TET3: variants seen among roughly 807,000 people sequenced by gnomAD.
The protein encoded by TET3 is methylcytosine dioxygenase TET3.
A neutral mutation model predicts 141.4 loss-of-function variants in TET3; 19 were observed. That is an observed-to-expected ratio of 0.13 (90% CI 0.09 to 0.20). The LOEUF is 0.20. Ranked by LOEUF, TET3 falls within the 10% of genes least tolerant of loss-of-function variation. The probability of loss-of-function intolerance (pLI) is 1.00; values close to 1 mark genes in which losing one functional copy is unlikely to be tolerated. For missense variants in TET3, 1,874 were observed against 2,356.9 expected, an observed-to-expected ratio of 0.80 and a Z score of 4.24; for synonymous variants, 1,043 against 980.9, an observed-to-expected ratio of 1.06 and a Z score of -1.18.
intron 3 of TET3, among the ~76,000 whole-genome samples, chr2:74,011,833 T>C (rs1367020280): frequency 6.7e-6 from 1 of 149,628 alleles, no homozygotes; most frequent in East Asian, 2.0e-4. Flanking sequence ...AGGTCAGGAG[T>C]TTGAGATCAG....
chr2:74,080,594 G>A lies in TET3; in HGVS notation c.2679+3G>A, dbSNP rs745756687. 1.2e-6 allele frequency: 2 copies of A among 1,608,518 alleles called. No homozygotes were observed. Among genetic ancestry groups the A allele is most frequent in the Admixed American group, 3.4e-5 (2 of 59,416 alleles). On this transcript the variant is annotated splice_donor_region_variant and intron_variant, in intron 6 of 11. Coordinates refer to ENST00000409262, the MANE Select transcript of TET3 (RefSeq NM_001287491.2). ...GCGGTTGCCCCATTGCAAAGTGGGT[G>A]AGTGTTGAGCCCACTCAAGAGCCAC...
rs906048370 is a variant in TET3, at chr2:74,100,628, T to C, written c.3840T>C (p.Ala1280=). The change falls in exon 12 of 12, where the codon GCT becomes GCC. Residue 1280 remains alanine, a synonymous_variant. Transcript: ENST00000409262. The stretch of plus-strand genomic sequence containing the variant: ...TCAATGGCTTCCACTCCAAGTACGC[T>C]CTCCCGTCTTTTAGCTACTATGGCT... ...TSVNGFHSKY[A]LPSFSYYGFP... is the part of the protein sequence containing the mutation. 1.2e-6 allele frequency: 2 copies of C among 1,613,858 alleles called. No individual in the cohort carries two copies. Among genetic ancestry groups the C allele is most frequent in the Non-Finnish European group, 1.7e-6 (2 of 1,179,878 alleles).
chr2:73,989,793 T>C (rs1684235224), intron 2 of TET3, among the ~76,000 whole-genome samples: 1 of 152,116 alleles, frequency 6.6e-6, no homozygotes, highest in Admixed American at 6.5e-5. Flanking sequence ...TGAAGATGAC[T>C]GAGTAGAAAA....
At position 74,093,111 on chromosome 2, in the gene TET3, G is replaced by A; in HGVS notation, c.3129+120G>A. Reference sequence around the variant, plus strand: ...TCTCTTATGGGAAGAGCCTAGTCCAGAAGTAAAGCGATATGATGTGGTTCT... The same window carrying A: ...TCTCTTATGGGAAGAGCCTAGTCCAAAAGTAAAGCGATATGATGTGGTTCT... On this transcript the variant is annotated intron_variant, in intron 9 of 11. Transcript: ENST00000409262. This position sits in a 1 kb window ranked among gnomAD's most constrained non-coding sequence, Gnocchi z 4.2. 1 of 904,566 alleles carries A rather than the reference G, an allele frequency of 1.1e-6. No individual in the cohort carries two copies. Among genetic ancestry groups the A allele is most frequent in the Admixed American group, 2.6e-5 (1 of 38,002 alleles). The allele number at this position is 904,566 out of a possible 1,614,324, so 56.0% of individuals were successfully genotyped here. A position where few individuals can be genotyped will look rare whatever the true frequency, so the allele number is the denominator to read the frequency against.
At chr2:74,000,395 G>A (rs1485694658) in intron 2 of TET3, among the ~76,000 whole-genome samples, 2 of 152,208 alleles carry the variant, frequency 1.3e-5, no homozygotes, top group Non-Finnish European at 2.9e-5. Flanking sequence ...ATTGTGACTG[G>A]TGCTGTGGAA....
rs1351897708 is a variant in TET3 at position 74,106,904 on chromosome 2, C to T, written c.*4728C>T. On this transcript the variant is annotated 3_prime_UTR_variant, in exon 12 of 12. Coordinates refer to ENST00000409262, the MANE Select transcript of TET3 (RefSeq NM_001287491.2). ...CTTCAGCAGTTAAGATAGCGGAACG[C>T]CGAAAGGAAGGAGCGTAGTTGGCTG... is the stretch of plus-strand genomic sequence containing the variant. 6.6e-6 allele frequency: 1 copy of T among 152,164 alleles called. No homozygotes were observed. The highest frequency in any genetic ancestry group is 1.5e-5 in the Non-Finnish European group (1 of 68,030). 9.4% of individuals were successfully genotyped at this position (152,164 alleles called of 1,614,324 possible). A position where few individuals can be genotyped will look rare whatever the true frequency, so the allele number is the denominator to read the frequency against.
chr2:74,071,567 C>T (rs753527544), intron 4 of TET3, among the ~76,000 whole-genome samples: 21 of 152,140 alleles, frequency 1.4e-4, no homozygotes, highest in Admixed American at 9.2e-4. Context: ...AAATGTCTTA[C>T]GTAATTATGG....
chr2:74,023,184 G>C (rs1245512948), intron 3 of TET3, among the ~76,000 whole-genome samples: 1 of 152,150 alleles, frequency 6.6e-6, no homozygotes, highest in Admixed American at 6.5e-5. Flanking sequence ...GACCATCAGA[G>C]GTACCTCATC....
intron 4 of TET3, among the ~76,000 whole-genome samples, chr2:74,065,381 T>C (rs1290688290): frequency 6.6e-6 from 1 of 152,222 alleles, no homozygotes; most frequent in African/African-American, 2.4e-5. Flanking sequence ...ATTTGGCCAG[T>C]GGGATGCCCC....
downstream of TET3, among the ~76,000 whole-genome samples, chr2:74,108,819 A>G (rs771455762): frequency 2.0e-5 from 3 of 152,188 alleles, no homozygotes; most frequent in South Asian, 2.1e-4. Flanking sequence ...TTGAGGGACA[A>G]CCAGCCCAGC....
intron 3 of TET3, among the ~76,000 whole-genome samples, chr2:74,011,261 A>AAGTATAGT (rs1685420451): frequency 6.6e-6 from 1 of 151,248 alleles, no homozygotes; most frequent in African/African-American, 2.4e-5. Flanking sequence ...TTAAAAATTG[A>AAGTATAGT]AGTATAGTAT....
chr2:74,030,130 GATAA>G (rs1417456428), intron 3 of TET3, among the ~76,000 whole-genome samples: 1 of 152,162 alleles, frequency 6.6e-6, no homozygotes, highest in East Asian at 1.9e-4. Flanking sequence ...TTGTTTGAGA[GATAA>G]ATGAATGAAT....
intron 6 of TET3, 39 bp downstream of exon 6, chr2:74,080,630 G>T (rs761338644): frequency 2.1e-5 from 33 of 1,567,864 alleles, no homozygotes; most frequent in Non-Finnish European, 2.7e-5. Context: ...AGCTGTGCCT[G>T]GTTCCCCTTG....
chr2:74,060,778 C>T (rs1018812841), intron 4 of TET3, among the ~76,000 whole-genome samples: 2 of 152,284 alleles, frequency 1.3e-5, no homozygotes, highest in South Asian at 2.1e-4. Context: ...CATCTTGCAC[C>T]GCCCTTAATC....
At chr2:74,005,776 C>T (rs149380650) in intron 3 of TET3, among the ~76,000 whole-genome samples, 2 of 152,312 alleles carry the variant, frequency 1.3e-5, no homozygotes, top group East Asian at 1.9e-4. Flanking sequence ...CCACATAGTG[C>T]CTAGCATAGG....
rs116688476 is a variant in TET3 at position 74,101,747 on chromosome 2, C to T, written c.4959C>T (p.Gly1653=). 5,400 of 1,613,170 alleles carry T rather than the reference C, an allele frequency of 3.3e-3. 178 individuals carry two copies. In the African/African-American group the frequency reaches 0.064, roughly 19 times the overall value. Residue 1653 remains glycine, a synonymous_variant, in exon 12 of 12, where the codon GGC becomes GGT. Coordinates refer to ENST00000409262, the MANE Select transcript of TET3 (RefSeq NM_001287491.2). This position sits in a 1 kb window ranked among gnomAD's most constrained non-coding sequence, Gnocchi z 8.5. ...EHNFLDENIG[G]VAVAPAHGSI... is the part of the protein sequence containing the mutation. ...ACTTCCTGGACGAGAACATCGGCGG[C>T]GTGGCCGTGGCCCCAGCCCACGGCT...
In TET3 at chr2:74,093,903, A is replaced by G. The variant is rs1455553432; in HGVS notation, c.3267+237A>G. Among the ~76,000 whole-genome samples, 1 of 152,214 alleles carries G rather than the reference A, an allele frequency of 6.6e-6. No homozygotes were observed. On this transcript the variant is annotated intron_variant, in intron 10 of 11. Coordinates refer to ENST00000409262, the MANE Select transcript of TET3 (RefSeq NM_001287491.2). This position sits in a 1 kb window ranked among gnomAD's most constrained non-coding sequence, Gnocchi z 4.2. ...TGTCTGTGTCTTAGGGGGATGCTGC[A>G]GGATGTAGCCCCTCAAGCACCTGGA...
chr2:74,089,319 C>T (rs1032134941), intron 7 of TET3, among the ~76,000 whole-genome samples: 2 of 152,082 alleles, frequency 1.3e-5, no homozygotes, highest in Admixed American at 6.5e-5. Context: ...TCTGTGTTGA[C>T]GTGTGTGTCA....
At chr2:74,077,423 G>T (rs939300050) in intron 5 of TET3, among the ~76,000 whole-genome samples, 6 of 152,202 alleles carry the variant, frequency 3.9e-5, no homozygotes, top group African/African-American at 1.4e-4. Context: ...AGAATAAGAT[G>T]ATTGGCTTGT....
Sources: gnomAD v4.1 joint callset for allele counts (sites outside exome capture counted in the v4.1 genomes callset) on GRCh38, gnomAD v4.1.1 for gene constraint, Gnocchi (gnomAD v3.1) non-coding constraint, MANE v1.5 for transcripts, NCBI Gene and HGNC (gene_info 2026-07-23, HGNC 2026-07-21) for gene names.